The following ADARB2 variants were observed in gnomAD, a reference collection of about 807,000 sequenced individuals.
ADARB2 encodes inactive double-stranded RNA-specific editase B2.
Under a neutral mutation model 62.2 loss-of-function variants are expected in ADARB2, and 25 were observed. That is an observed-to-expected ratio of 0.40 (90% CI 0.29 to 0.56). ADARB2 has a LOEUF of 0.56. ADARB2 is among the 20% of genes least tolerant of loss of function. The pLI is 0.43. For synonymous variants in ADARB2, 572 were observed against 500.8 expected, an observed-to-expected ratio of 1.14 and a Z score of -1.90; for missense variants, 1,071 against 1,077.4, an observed-to-expected ratio of 0.99 and a Z score of 0.08.
At chr10:1,198,710 G>T (rs1836943038) in intron 8 of ADARB2, among the ~76,000 whole-genome samples, 1 of 152,264 alleles carries the variant, frequency 6.6e-6, no homozygotes, top group Non-Finnish European at 1.5e-5. Flanking sequence ...AGGTGGATCT[G>T]AATTTCTCTA....
rs890484537 is a variant in ADARB2, at chr10:1,704,407, A to G, written c.100+32644T>C. Among the ~76,000 whole-genome samples, 2 of 152,204 alleles carry G rather than the reference A, an allele frequency of 1.3e-5. No homozygotes were observed. The highest frequency in any genetic ancestry group is 2.9e-5 in the Non-Finnish European group (2 of 68,040). The stretch of plus-strand genomic sequence containing the variant: ...ACAGATCATCAGGCATTAGATTTTC[A>G]TAAGGAGTCTGCAACCTGGATCCCT... On this transcript the variant is annotated intron_variant, in intron 1 of 9. Transcript: ENST00000381312. The surrounding 1 kb of genome is among the most constrained non-coding windows in gnomAD (Gnocchi z 5.6).
intron 5 of ADARB2, among the ~76,000 whole-genome samples, chr10:1,240,811 T>C (rs1267175331): frequency 1.3e-5 from 2 of 152,224 alleles, no homozygotes; most frequent in Admixed American, 6.5e-5. Flanking sequence ...TGAGGGATCT[T>C]GGTGATAGTC....
In ADARB2 at chr10:1,515,479, A is replaced by T. The variant is rs962984739; in HGVS notation, c.101-136319T>A. Among the ~76,000 whole-genome samples, 7 of 152,242 alleles carry T rather than the reference A, an allele frequency of 4.6e-5. No homozygotes were observed. The East Asian group carries it at 7.7e-4, about 17-fold the overall frequency. ...GATGAGGGGGACATTCACACTGCAG[A>T]AGAGTAAGGACATCCCAGCAAGGTC... On this transcript the variant is annotated intron_variant, in intron 1 of 9. Transcript: ENST00000381312.
chr10:1,608,362 C>T (rs1008832409), intron 1 of ADARB2, among the ~76,000 whole-genome samples: 12 of 152,012 alleles, frequency 7.9e-5, no homozygotes, highest in Admixed American at 5.9e-4. Flanking sequence ...GAATTTAAAT[C>T]GTCACCAGCG....
chr10:1,558,605 C>CCGCA (rs1304896669), intron 1 of ADARB2, among the ~76,000 whole-genome samples: 8 of 132,314 alleles, frequency 6.0e-5, no homozygotes, highest in East Asian at 2.1e-4. Context: ...TGCTCAGCCC[C>CCGCA]TGCATGCTCC....
intron 1 of ADARB2, among the ~76,000 whole-genome samples, 181 bp downstream of exon 1, chr10:1,736,870 G>A (rs1346787034): frequency 6.6e-6 from 1 of 152,212 alleles, no homozygotes; most frequent in Admixed American, 6.5e-5. Flanking sequence ...CTGGGCAAGA[G>A]GAGGCCCCAG....
chr10:1,371,858 G>T (rs1202850552), intron 2 of ADARB2, among the ~76,000 whole-genome samples: 1 of 148,796 alleles, frequency 6.7e-6, no homozygotes, highest in East Asian at 1.9e-4. Context: ...GTGCACTGTT[G>T]GTGGAAATGT....
chr10:1,670,824 A>AGCAGGAGCAGGTGATTAGGACGTCTGC (rs1320504049), intron 1 of ADARB2, among the ~76,000 whole-genome samples: 52 of 152,208 alleles, frequency 3.4e-4, no homozygotes, highest in Non-Finnish European at 6.3e-4. Flanking sequence ...TAAGAGCAGG[A>AGCAGGAGCAGGTGATTAGGACGTCTGC]GCAGGAGCAG....
At chr10:1,718,358 T>C (rs544986440) in intron 1 of ADARB2, among the ~76,000 whole-genome samples, 28 of 152,298 alleles carry the variant, frequency 1.8e-4, no homozygotes, top group African/African-American at 6.5e-4. Context: ...CGGTCAGGCT[T>C]CTGCTGGTAG....
Position 1,182,385 on chromosome 10 carries a change from C to T in ADARB2, c.*808G>A, listed in dbSNP as rs1028659835. 5.2e-5 allele frequency: 8 copies of T among 153,884 alleles called. No homozygotes were observed. The highest frequency in any genetic ancestry group is 8.7e-5 in the Non-Finnish European group (6 of 69,234). The allele number at this position is 153,884 out of a possible 1,614,324, so 9.5% of individuals were successfully genotyped here. On this transcript the variant is annotated 3_prime_UTR_variant, in exon 10 of 10. Transcript: ENST00000381312. ...CCCCACATCTGCAGCACGCGTGGGCCGGGTGTTTCCAGACTCCCCACATCT... is the reference window on the plus strand; with the variant it reads ...CCCCACATCTGCAGCACGCGTGGGCTGGGTGTTTCCAGACTCCCCACATCT...
chr10:1,218,416 A>G (rs1830650507), intron 6 of ADARB2, among the ~76,000 whole-genome samples: 1 of 152,238 alleles, frequency 6.6e-6, no homozygotes, highest in African/African-American at 2.4e-5. Context: ...TTGCATTTGA[A>G]TTATATATAA....
chr10:1,203,589 G>C (rs1414202993), intron 7 of ADARB2, among the ~76,000 whole-genome samples: 2 of 152,130 alleles, frequency 1.3e-5, no homozygotes, highest in Non-Finnish European at 2.9e-5. Flanking sequence ...GAGCTTTGAG[G>C]ATCTCCAGAG....
At chr10:1,544,763 A>C (rs1023146046) in intron 1 of ADARB2, among the ~76,000 whole-genome samples, 2 of 152,142 alleles carry the variant, frequency 1.3e-5, no homozygotes, top group African/African-American at 4.8e-5. Context: ...GTAAAGTACA[A>C]ATGCTATGTC....
intron 3 of ADARB2, among the ~76,000 whole-genome samples, chr10:1,317,629 T>C (rs1278042484): frequency 2.6e-5 from 4 of 152,070 alleles, no homozygotes; most frequent in Non-Finnish European, 5.9e-5. Flanking sequence ...TTGGGGTAAG[T>C]CCAATTCCCT....
chr10:1,699,361 C>A (rs71500160), intron 1 of ADARB2, among the ~76,000 whole-genome samples: 3 of 27,274 alleles, frequency 1.1e-4, no homozygotes, highest in African/African-American at 2.4e-4. Flanking sequence ...ACCAGGCGCT[C>A]GCCAATACAC....
In ADARB2 at chr10:1,398,006, T is replaced by G. The variant is rs1334970670; in HGVS notation, c.101-18846A>C. Among the ~76,000 whole-genome samples, 7 of 72,274 alleles carry G rather than the reference T, an allele frequency of 9.7e-5. No individual in the cohort carries two copies. The highest frequency in any genetic ancestry group is 1.1e-4 in the African/African-American group (2 of 18,064). The allele number at this position is 72,274 out of a possible 152,430, so 47.4% of individuals were successfully genotyped here. On this transcript the variant is annotated intron_variant, in intron 1 of 9. Coordinates refer to ENST00000381312, the MANE Select transcript of ADARB2 (RefSeq NM_018702.4). The surrounding 1 kb of genome is among the most constrained non-coding windows in gnomAD (Gnocchi z 4.1). ...GTGCAGGCTTCCTGGGTCACCGTCC[T>G]CCTCTCCCCTCCCGAGTGCAGGCTT...
At chr10:1,312,016 G>C (rs545364358) in intron 3 of ADARB2, among the ~76,000 whole-genome samples, 34 of 152,212 alleles carry the variant, frequency 2.2e-4, no homozygotes, top group Non-Finnish European at 4.1e-4. Flanking sequence ...TCTCATTTCT[G>C]CTTCACGAGC....
At chr10:1,264,511 T>G (rs1406142630) in intron 4 of ADARB2, among the ~76,000 whole-genome samples, 1 of 152,224 alleles carries the variant, frequency 6.6e-6, no homozygotes, top group Middle Eastern at 3.2e-3. Context: ...TCATGTTTGA[T>G]AACCAGCTTT....
chr10:1,589,977 G>T (rs1833231166), intron 1 of ADARB2, among the ~76,000 whole-genome samples: 1 of 152,252 alleles, frequency 6.6e-6, no homozygotes, highest in Admixed American at 6.5e-5. Flanking sequence ...TTCAGCAGGT[G>T]CTCCTCTGGG....
Sources: allele counts gnomAD v4.1 joint callset (sites outside exome capture counted in the v4.1 genomes callset), GRCh38; gene constraint gnomAD v4.1.1; non-coding constraint Gnocchi (gnomAD v3.1); transcripts MANE v1.5; gene names NCBI Gene and HGNC (gene_info 2026-07-23, HGNC 2026-07-21).